CNTN5: variants seen among roughly 807,000 people sequenced by gnomAD.
CNTN5 encodes the protein contactin-5.
Under a neutral mutation model 129.1 loss-of-function variants are expected in CNTN5, and 77 were observed. The observed-to-expected ratio is 0.60, with a 90% confidence interval of 0.50 to 0.72. The LOEUF (loss-of-function observed/expected upper bound fraction) is 0.72, where lower values mean the gene tolerates loss of function less well. CNTN5 is among the 30% of genes least tolerant of loss of function. The pLI is 0.00. For synonymous variants in CNTN5, 509 were observed against 465.6 expected (o/e 1.09, Z -1.20); for missense variants, 1,478 against 1,328.8 (o/e 1.11, Z -1.75).
chr11:99,546,537 A>G (rs923982625), intron 2 of CNTN5, among the ~76,000 whole-genome samples: 1 of 152,200 alleles, frequency 6.6e-6, no homozygotes, highest in African/African-American at 2.4e-5. Context: ...ATAACCCTTT[A>G]TAATAAATAA....
intron 6 of CNTN5, among the ~76,000 whole-genome samples, chr11:99,854,940 T>C (rs555873049): frequency 7.2e-4 from 109 of 152,122 alleles, no homozygotes; most frequent in Middle Eastern, 6.8e-3. Flanking sequence ...GATGATGCAA[T>C]AAAATAGAGT....
chr11:99,651,429 T>C (rs1473496416), intron 3 of CNTN5, among the ~76,000 whole-genome samples: 2 of 151,868 alleles, frequency 1.3e-5, no homozygotes, highest in African/African-American at 4.8e-5. Flanking sequence ...ATGATAGAAA[T>C]TCTAATCTGT....
chr11:100,148,807 T>C (rs772150742), intron 13 of CNTN5, among the ~76,000 whole-genome samples: 54 of 152,260 alleles, frequency 3.5e-4, no homozygotes, highest in Admixed American at 2.9e-3. Flanking sequence ...AGCATCCTTG[T>C]CACTTATCTT....
At chr11:99,847,619 C>T (rs908707664) in intron 6 of CNTN5, among the ~76,000 whole-genome samples, 1 of 152,118 alleles carries the variant, frequency 6.6e-6, no homozygotes, top group African/African-American at 2.4e-5. Flanking sequence ...TGTTTCTCCA[C>T]CTAGATGCCA....
intron 1 of CNTN5, among the ~76,000 whole-genome samples, chr11:99,295,788 A>G (rs1175435581): frequency 1.3e-5 from 2 of 149,158 alleles, no homozygotes; most frequent in African/African-American, 4.9e-5. Flanking sequence ...AGGCAGGAGA[A>G]TGGCGTGAAC....
rs369560126 is a variant in CNTN5 at position 99,934,872 on chromosome 11, C to CTGTG, written c.673+18747_673+18750dup. 6.3e-3 allele frequency among the ~76,000 whole-genome samples: 312 copies of CTGTG among 49,854 alleles called. 2 individuals are homozygous for CTGTG. The highest frequency in any genetic ancestry group is 0.019 in the Middle Eastern group (2 of 106). The allele number at this position is 49,854 out of a possible 152,430, so 32.7% of individuals were successfully genotyped here. ...CCTGGGCAACAGAGTGAGACTCAGTCTGTGTGTGTGTGTGTGTGTGTGTGT... is the reference window on the plus strand; with the variant it reads ...CCTGGGCAACAGAGTGAGACTCAGTCTGTGTGTGTGTGTGTGTGTGTGTGTGTGT... On this transcript the variant is annotated intron_variant, in intron 7 of 24. Transcript: ENST00000524871.
chr11:99,135,188 C>T (rs955865328), intron 1 of CNTN5, among the ~76,000 whole-genome samples: 13 of 152,120 alleles, frequency 8.5e-5, no homozygotes, highest in African/African-American at 3.1e-4. Context: ...CTTCATTCTA[C>T]AGCAGAAAGA....
intron 7 of CNTN5, among the ~76,000 whole-genome samples, chr11:99,944,802 C>T (rs1414196641): frequency 2.0e-5 from 3 of 152,012 alleles, no homozygotes. Flanking sequence ...ATACAACTTA[C>T]AAGGGACATG....
chr11:99,958,395 C>T (rs778373729), intron 8 of CNTN5, among the ~76,000 whole-genome samples: 1 of 152,144 alleles, frequency 6.6e-6, no homozygotes, highest in Non-Finnish European at 1.5e-5. Context: ...CGATGATTCT[C>T]CTCATCAGAA....
intron 8 of CNTN5, among the ~76,000 whole-genome samples, chr11:99,966,043 T>C (rs964669036): frequency 1.3e-5 from 2 of 152,128 alleles, no homozygotes; most frequent in African/African-American, 4.8e-5. Context: ...TTACAATGAA[T>C]GTTTCTGCAA....
chr11:99,607,892 T>C (rs1489330464), intron 3 of CNTN5, among the ~76,000 whole-genome samples: 3 of 123,456 alleles, frequency 2.4e-5, no homozygotes, highest in African/African-American at 9.2e-5. Context: ...TAGGTGGGAA[T>C]TGAACAATGA....
intron 2 of CNTN5, among the ~76,000 whole-genome samples, chr11:99,517,017 G>T (rs961399835): frequency 3.9e-5 from 6 of 152,046 alleles, no homozygotes; most frequent in Non-Finnish European, 5.9e-5. Context: ...AATAAAAGGG[G>T]GAGGGAAACT....
At chr11:100,180,212 G>T (rs1026680354) in intron 13 of CNTN5, among the ~76,000 whole-genome samples, 4 of 152,032 alleles carry the variant, frequency 2.6e-5, no homozygotes, top group Non-Finnish European at 4.4e-5. Context: ...CCGATTTAAG[G>T]ATTATTAGAT....
intron 9 of CNTN5, among the ~76,000 whole-genome samples, chr11:100,018,195 C>G (rs1940937600): frequency 5.9e-5 from 9 of 151,886 alleles, no homozygotes; most frequent in Admixed American, 5.9e-4. Context: ...TAGAATTTAA[C>G]ACATTTTAAC....
chr11:100,231,143 T>C (rs962997667), intron 16 of CNTN5, among the ~76,000 whole-genome samples: 6 of 152,176 alleles, frequency 3.9e-5, no homozygotes, highest in African/African-American at 1.4e-4. Flanking sequence ...TTTCTGATGC[T>C]ATGGGAAGGA....
chr11:100,278,947 T>A (rs893759644), intron 18 of CNTN5, among the ~76,000 whole-genome samples: 31 of 151,924 alleles, frequency 2.0e-4, no homozygotes, highest in African/African-American at 7.5e-4. Context: ...GAGTTCATCA[T>A]ATGATTTTTA....
chr11:99,719,746 G>A (rs529382198), intron 3 of CNTN5, among the ~76,000 whole-genome samples: 48 of 151,950 alleles, frequency 3.2e-4, no homozygotes, highest in Non-Finnish European at 5.6e-4. Flanking sequence ...CAACAAATTC[G>A]TGAGTTGTTT....
At chr11:100,169,234 T>C (rs1355961773) in intron 13 of CNTN5, among the ~76,000 whole-genome samples, 1 of 152,000 alleles carries the variant, frequency 6.6e-6, no homozygotes, top group East Asian at 1.9e-4. Context: ...TTGACTCCTA[T>C]TTTTGAGAGA....
intron 13 of CNTN5, among the ~76,000 whole-genome samples, chr11:100,133,705 G>C (rs923404104): frequency 1.3e-5 from 2 of 152,080 alleles, no homozygotes; most frequent in Non-Finnish European, 2.9e-5. Flanking sequence ...CTCAGCAACA[G>C]TGAGCTTGAC....
Sources: allele counts gnomAD v4.1 joint callset (sites outside exome capture counted in the v4.1 genomes callset), GRCh38; gene constraint gnomAD v4.1.1; transcripts MANE v1.5; gene names NCBI Gene and HGNC (gene_info 2026-07-23, HGNC 2026-07-21).